The following PDE1C variants were observed in gnomAD, a reference collection of about 807,000 sequenced individuals.
PDE1C encodes the protein phosphodiesterase 1C, also known as dual specificity calcium/calmodulin-dependent 3',5'-cyclic nucleotide phosphodiesterase 1C.
A neutral mutation model predicts 93.1 loss-of-function variants in PDE1C; 62 were observed. The observed-to-expected ratio is 0.67, with a 90% confidence interval of 0.54 to 0.82. PDE1C has a LOEUF of 0.82. PDE1C is among the 40% of genes least tolerant of loss of function. The pLI is 0.00. For missense variants in PDE1C, 742 were observed against 884.6 expected (o/e 0.84, Z 2.04); for synonymous variants, 325 against 310.1 (o/e 1.05, Z -0.50).
chr7:32,309,386 G>T (rs1234491314), intron 1 of PDE1C, among the ~76,000 whole-genome samples: 1 of 152,140 alleles, frequency 6.6e-6, no homozygotes, highest in East Asian at 1.9e-4. Context: ...TCAGACTCAG[G>T]AAATACAGAG....
At chr7:32,106,271 A>C (rs1392346955) in intron 3 of PDE1C, among the ~76,000 whole-genome samples, 1 of 152,126 alleles carries the variant, frequency 6.6e-6, no homozygotes, top group African/African-American at 2.4e-5. Flanking sequence ...AGCCTCCCAA[A>C]GTATTGGGAT....
rs551446713 is a variant in PDE1C, at chr7:32,082,128, C to T, written c.308+87657G>A. ...CCTAGTCAAAGAAAGGGGTGACAGA[C>T]GGCACCTGGAAAATCGGGTCACTCC... On this transcript the variant is annotated intron_variant, in intron 3 of 18. Coordinates refer to the PDE1C transcript ENST00000396193. 1.6e-3 allele frequency among the ~76,000 whole-genome samples: 198 copies of T among 124,728 alleles called. No individual in the cohort carries two copies. In the South Asian group the frequency reaches 0.018, roughly 11 times the overall value. The allele number at this position is 124,728 out of a possible 152,430, so 81.8% of individuals were successfully genotyped here. A position where few individuals can be genotyped will look rare whatever the true frequency, so the allele number is the denominator to read the frequency against.
At chr7:32,325,933 C>A (rs1389078053) in intron 1 of PDE1C, among the ~76,000 whole-genome samples, 1 of 151,930 alleles carries the variant, frequency 6.6e-6, no homozygotes, top group Non-Finnish European at 1.5e-5. Context: ...ATCATTCAGA[C>A]AAGAAATGAT....
chr7:32,103,258 G>A lies in PDE1C; in HGVS notation c.308+66527C>T, dbSNP rs1563314740. On this transcript the variant is annotated intron_variant, in intron 3 of 18. Transcript: ENST00000396193. ...AAGGTAAAATATGGCTATTCTACCA[G>A]AGAAGAGAATGCTATAATCTAAATG... Among the ~76,000 whole-genome samples the A allele has an allele frequency of 1.3e-5, 2 of 152,298 alleles. 1 individual carries two copies. The highest frequency in any genetic ancestry group is 6.8e-3 in the Middle Eastern group (2 of 294).
intron 2 of PDE1C, among the ~76,000 whole-genome samples, chr7:32,185,048 T>G (rs1317226986): frequency 2.6e-5 from 4 of 151,098 alleles, no homozygotes; most frequent in Admixed American, 6.6e-5. Flanking sequence ...GAGGCAGAGG[T>G]TGTGGTGAGT....
At chr7:32,125,906 A>T (rs1163876284) in intron 3 of PDE1C, among the ~76,000 whole-genome samples, 2 of 152,186 alleles carry the variant, frequency 1.3e-5, no homozygotes, top group Admixed American at 6.5e-5. Context: ...GTTCTCCAGC[A>T]GTTTCTGGAG....
intron 6 of PDE1C, among the ~76,000 whole-genome samples, chr7:31,868,987 AGCAAAT>A (rs1178448611): frequency 6.6e-6 from 1 of 152,074 alleles, no homozygotes; most frequent in Admixed American, 6.5e-5. Flanking sequence ...TTCCCACACA[AGCAAAT>A]GCAGAGGGAA....
intron 1 of PDE1C, among the ~76,000 whole-genome samples, chr7:32,297,451 C>G (rs1227516605): frequency 6.6e-6 from 1 of 152,158 alleles, no homozygotes; most frequent in African/African-American, 2.4e-5. Flanking sequence ...CTGCTGTTCT[C>G]CAAAGGCTGA....
rs1484900298 is a variant in PDE1C at position 32,285,081 on chromosome 7, CCAACCCA to C, written c.85+13563_85+13569del. Among the ~76,000 whole-genome samples the C allele has an allele frequency of 7.2e-5, 11 of 152,022 alleles. 1 individual carries two copies. In the Middle Eastern group the frequency reaches 0.017, roughly 235 times the overall value. Reference sequence around the variant, plus strand: ...AAAGAAAAAAATGCACTTGCCAGGTCCAACCCACAATTATGGAATTGGAATCTTCGGA... The same window carrying C: ...AAAGAAAAAAATGCACTTGCCAGGTCCAATTATGGAATTGGAATCTTCGGA... On this transcript the variant is annotated intron_variant, in intron 1 of 18. Coordinates refer to the PDE1C transcript ENST00000396193.
At chr7:32,024,880 C>T (rs30561) in intron 2 of PDE1C, among the ~76,000 whole-genome samples, 27,405 of 152,096 alleles carry the variant, frequency 0.18, 2,730 homozygotes, top group East Asian at 0.32. Context: ...AATATAACCC[C>T]ACTACCTTTC....
chr7:32,322,331 A>G (rs766801887), intron 1 of PDE1C, among the ~76,000 whole-genome samples: 1 of 152,168 alleles, frequency 6.6e-6, no homozygotes, highest in Non-Finnish European at 1.5e-5. Context: ...AGGCACAGTG[A>G]CCTACATGCC....
At chr7:31,791,393 T>A (rs534313024) in intron 16 of PDE1C, among the ~76,000 whole-genome samples, 9 of 152,128 alleles carry the variant, frequency 5.9e-5, no homozygotes, top group Non-Finnish European at 1.3e-4. Flanking sequence ...CTGATAAACT[T>A]GCCAGTGAGA....
At chr7:32,070,252 G>C (rs773229903) in intron 1 of PDE1C, 41 bp downstream of exon 1, 20 of 1,612,878 alleles carry the variant, frequency 1.2e-5, no homozygotes, top group Non-Finnish European at 1.1e-5. Flanking sequence ...ATAAGGATGG[G>C]AGCGGGAAAT....
intron 16 of PDE1C, among the ~76,000 whole-genome samples, chr7:31,806,222 G>A (rs966887458): frequency 6.6e-6 from 1 of 151,890 alleles, no homozygotes; most frequent in Non-Finnish European, 1.5e-5. Context: ...CACAAAAGAT[G>A]GCTATCTCTT....
At chr7:32,007,761 T>A (rs563634271) in intron 2 of PDE1C, among the ~76,000 whole-genome samples, 1 of 152,196 alleles carries the variant, frequency 6.6e-6, no homozygotes, top group African/African-American at 2.4e-5. Flanking sequence ...TCTACCAGCA[T>A]GGAAACTCAA....
chr7:32,131,232 A>G (rs1799905068), intron 3 of PDE1C, among the ~76,000 whole-genome samples: 1 of 152,152 alleles, frequency 6.6e-6, no homozygotes, highest in Admixed American at 6.6e-5. Flanking sequence ...ACACACACCC[A>G]TTAGAGCATT....
intron 1 of PDE1C, among the ~76,000 whole-genome samples, chr7:32,255,245 C>A (rs1481397618): frequency 6.6e-6 from 1 of 152,150 alleles, no homozygotes; most frequent in African/African-American, 2.4e-5. Context: ...CCAAGATAAA[C>A]CGCCTGGATT....
At position 32,061,520 on chromosome 7, in the gene PDE1C, G is replaced by A. The variant is rs561407114; in HGVS notation, c.101+8773C>T. ...AAAGGCCTCTTGCCAGAGCCAGAGA[G>A]CCTCCACGCAGCCAAGCTTCACTTG... On this transcript the variant is annotated intron_variant, in intron 1 of 17. Transcript: ENST00000396191. Among the ~76,000 whole-genome samples the A allele has an allele frequency of 2.0e-5, 3 of 152,368 alleles. No individual in the cohort carries two copies. In the South Asian group the frequency reaches 6.2e-4, roughly 32 times the overall value.
chr7:32,309,126 A>G (rs1381670583), intron 1 of PDE1C, among the ~76,000 whole-genome samples: 1 of 152,250 alleles, frequency 6.6e-6, no homozygotes, highest in Non-Finnish European at 1.5e-5. Flanking sequence ...AGCCAATGCA[A>G]TCAACTGGAA....
Sources: allele counts gnomAD v4.1 joint callset (sites outside exome capture counted in the v4.1 genomes callset), GRCh38; gene constraint gnomAD v4.1.1; transcripts MANE v1.5; gene names NCBI Gene and HGNC (gene_info 2026-07-23, HGNC 2026-07-21).